RAB3GAP1: variants seen among roughly 807,000 people sequenced by gnomAD.
RAB3GAP1 encodes RAB3 GTPase activating protein catalytic subunit 1.
In RAB3GAP1, 86 loss-of-function variants were observed where a neutral mutation model predicts 130.7. That is an observed-to-expected ratio of 0.66 (90% CI 0.55 to 0.79). The LOEUF (loss-of-function observed/expected upper bound fraction) is 0.79, where lower values mean the gene tolerates loss of function less well. Among genes scored for constraint, RAB3GAP1 ranks in the 30% least tolerant of loss-of-function variants. The probability of loss-of-function intolerance (pLI) is 0.00; values close to 1 mark genes in which losing one functional copy is unlikely to be tolerated. For synonymous variants in RAB3GAP1, 367 were observed against 401.7 expected, an observed-to-expected ratio of 0.91 and a Z score of 1.03; for missense variants, 1,029 against 1,169.4, an observed-to-expected ratio of 0.88 and a Z score of 1.75.
rs1692750449 is a variant in RAB3GAP1, at chr2:135,168,870, T to C, written c.*89T>C. 8.8e-7 allele frequency: 1 copy of C among 1,130,464 alleles called. No individual in the cohort carries two copies. Among genetic ancestry groups the C allele is most frequent in the Admixed American group, 1.7e-5 (1 of 59,328 alleles). The allele number at this position is 1,130,464 out of a possible 1,614,324, so 70.0% of individuals were successfully genotyped here. ...GTACCAGGGAGAACCTGGGAGGTCC[T>C]GGAGAGGGCCCTGTCCAGTTGGGTG... On this transcript the variant is annotated 3_prime_UTR_variant, in exon 24 of 24. Transcript: ENST00000264158.
rs2105011389 is a variant in RAB3GAP1, at chr2:135,170,447, T to G, written c.*1666T>G. 1 of 152,344 alleles carries G rather than the reference T, an allele frequency of 6.6e-6. No homozygotes were observed. The highest frequency in any genetic ancestry group is 2.1e-4 in the South Asian group (1 of 4,830). 9.4% of individuals were successfully genotyped at this position (152,344 alleles called of 1,614,324 possible). A position where few individuals can be genotyped will look rare whatever the true frequency, so the allele number is the denominator to read the frequency against. On this transcript the variant is annotated 3_prime_UTR_variant, in exon 24 of 24. Coordinates refer to ENST00000264158, the MANE Select transcript of RAB3GAP1 (RefSeq NM_012233.3). Reference sequence around the variant, plus strand: ...CTTTTTAAAGTACTCCATTTTATTTTTATGATAGTTATGTATTTATTTCAC... The same window carrying G: ...CTTTTTAAAGTACTCCATTTTATTTGTATGATAGTTATGTATTTATTTCAC...
chr2:135,062,841 A>G (rs1042992986), intron 3 of RAB3GAP1, among the ~76,000 whole-genome samples: 2 of 152,260 alleles, frequency 1.3e-5, no homozygotes, highest in Non-Finnish European at 1.5e-5. Flanking sequence ...CTGCTAGTAC[A>G]TAGATACATG....
intron 5 of RAB3GAP1, among the ~76,000 whole-genome samples, chr2:135,112,865 C>A (rs974822690): frequency 8.0e-5 from 12 of 150,676 alleles, no homozygotes; most frequent in African/African-American, 3.0e-4. Flanking sequence ...CACACACACA[C>A]ACAGATGGGC....
intron 18 of RAB3GAP1, among the ~76,000 whole-genome samples, chr2:135,152,525 G>T (rs1692204690): frequency 6.6e-6 from 1 of 152,188 alleles, no homozygotes; most frequent in East Asian, 1.9e-4. Context: ...GATGTTAACT[G>T]ATTAAGATCT....
At chr2:135,052,879 A>C (rs1007037541) in intron 2 of RAB3GAP1, among the ~76,000 whole-genome samples, 1 of 152,150 alleles carries the variant, frequency 6.6e-6, no homozygotes, top group Non-Finnish European at 1.5e-5. Flanking sequence ...GTTGTGCCGC[A>C]CCTCATCCCG....
intron 11 of RAB3GAP1, among the ~76,000 whole-genome samples, chr2:135,127,683 A>G (rs1309592718): frequency 3.3e-5 from 5 of 152,136 alleles, no homozygotes; most frequent in Admixed American, 2.6e-4. Context: ...GAGCCCTTCT[A>G]TAGAGTTGTG....
intron 3 of RAB3GAP1, among the ~76,000 whole-genome samples, chr2:135,067,476 T>TA (rs1689354423): frequency 6.6e-6 from 1 of 152,258 alleles, no homozygotes; most frequent in Non-Finnish European, 1.5e-5. Context: ...GGTGTTTTGT[T>TA]ATATCTCTGA....
intron 4 of RAB3GAP1, among the ~76,000 whole-genome samples, chr2:135,091,529 T>C (rs925659246): frequency 6.6e-5 from 10 of 152,170 alleles, no homozygotes; most frequent in Admixed American, 1.3e-4. Context: ...AGTTTGGCTT[T>C]GAAGGATTAC....
intron 3 of RAB3GAP1, among the ~76,000 whole-genome samples, chr2:135,081,321 AAAAAAAATATATATATATATATAT>A (rs1427169143): frequency 4.6e-5 from 4 of 87,448 alleles, no homozygotes; most frequent in African/African-American, 2.9e-4. Flanking sequence ...AAAAAAAAAA[AAAAAAAATATATATATATATATAT>A]ATATATATAT....
At chr2:135,095,579 G>A (rs183782311) in intron 5 of RAB3GAP1, among the ~76,000 whole-genome samples, 3 of 152,322 alleles carry the variant, frequency 2.0e-5, no homozygotes, top group Admixed American at 1.3e-4. Context: ...AACTATAAAT[G>A]TGATACATTA....
chr2:135,135,616 C>A lies in RAB3GAP1; in HGVS notation c.1607C>A (p.Thr536Lys), dbSNP rs1479470916. Residue 536 changes from threonine (T) to lysine (K), a missense_variant, in exon 17 of 24, where the codon ACA (threonine) becomes AAA (lysine). Thr to Lys is a moderately conservative substitution (Grantham distance 78). Coordinates refer to ENST00000264158, the MANE Select transcript of RAB3GAP1 (RefSeq NM_012233.3). ...AAGGCACGTGATGAGGGGAAAAAGA[C>A]AAGTGCTTCAGATGTCACTAATATA... The part of the protein sequence containing the change: ...RKKARDEGKK[T>K]SASDVTNIYP... The A allele has an allele frequency of 8.7e-6, 14 of 1,610,760 alleles. No homozygotes were observed. The highest frequency in any genetic ancestry group is 1.2e-5 in the Non-Finnish European group (14 of 1,178,596).
chr2:135,065,708 C>T (rs72976397), intron 3 of RAB3GAP1, among the ~76,000 whole-genome samples: 9,018 of 151,346 alleles, frequency 0.06, 514 homozygotes, highest in African/African-American at 0.15. Flanking sequence ...AAAACTTAAA[C>T]GTCACGCTTT....
chr2:135,052,615 C>G, intron 2 of RAB3GAP1, 130 bp downstream of exon 2: 1 of 1,069,546 alleles, frequency 9.3e-7, no homozygotes, highest in Admixed American at 2.0e-5. Context: ...TCCCGGGTCT[C>G]CTCCCCCAGT....
At position 135,170,228 on chromosome 2, in the gene RAB3GAP1, A is replaced by C. The variant is rs1045536692; in HGVS notation, c.*1447A>C. ...GTTTTCTAACAAAGAAAAATTCTACAAAGGAGAGGTTGGGCGTTACAAAGG... is the reference window on the plus strand; with the variant it reads ...GTTTTCTAACAAAGAAAAATTCTACCAAGGAGAGGTTGGGCGTTACAAAGG... On this transcript the variant is annotated 3_prime_UTR_variant, in exon 24 of 24. Transcript: ENST00000264158. The C allele has an allele frequency of 6.6e-6, 1 of 152,032 alleles. No individual in the cohort carries two copies. Among genetic ancestry groups the C allele is most frequent in the Non-Finnish European group, 1.5e-5 (1 of 68,038 alleles). 9.4% of individuals were successfully genotyped at this position (152,032 alleles called of 1,614,324 possible). A position where few individuals can be genotyped will look rare whatever the true frequency, so the allele number is the denominator to read the frequency against.
intron 3 of RAB3GAP1, among the ~76,000 whole-genome samples, chr2:135,086,516 A>T (rs901262110): frequency 3.3e-5 from 5 of 152,078 alleles, no homozygotes; most frequent in African/African-American, 1.2e-4. Context: ...TTTATTGGTC[A>T]TTCATAGCGC....
chr2:135,085,024 G>C (rs1689933938), intron 3 of RAB3GAP1, among the ~76,000 whole-genome samples: 1 of 152,126 alleles, frequency 6.6e-6, no homozygotes, highest in South Asian at 2.1e-4. Context: ...ATGCACAGGT[G>C]TATAAAGAAA....
chr2:135,056,065 T>C (rs1689001196), intron 2 of RAB3GAP1, among the ~76,000 whole-genome samples: 3 of 151,680 alleles, frequency 2.0e-5, no homozygotes, highest in African/African-American at 4.8e-5. Flanking sequence ...CTCGATCTCC[T>C]GACCTCATGA....
intron 5 of RAB3GAP1, among the ~76,000 whole-genome samples, chr2:135,102,510 G>T (rs566531962): frequency 8.5e-5 from 13 of 152,302 alleles, no homozygotes; most frequent in Middle Eastern, 3.4e-3. Flanking sequence ...AGCTGTAGAT[G>T]CCTGGAGAGG....
At chr2:135,112,438 C>A (rs1690830818) in intron 5 of RAB3GAP1, among the ~76,000 whole-genome samples, 1 of 152,194 alleles carries the variant, frequency 6.6e-6, no homozygotes, top group Non-Finnish European at 1.5e-5. Flanking sequence ...TAACCCAGGC[C>A]TGCACTGGAT....
Sources: allele counts gnomAD v4.1 joint callset (sites outside exome capture counted in the v4.1 genomes callset), GRCh38; gene constraint gnomAD v4.1.1; transcripts MANE v1.5; gene names NCBI Gene and HGNC (gene_info 2026-07-23, HGNC 2026-07-21).